Variants in NFASC observed in about 807,000 individuals in gnomAD.
NFASC encodes neurofascin.
In NFASC, 43 loss-of-function variants were observed where a neutral mutation model predicts 147.5. The observed-to-expected ratio is 0.29, with a 90% CI of 0.23 to 0.38. The LOEUF is 0.38. NFASC is among the 10% of genes least tolerant of loss of function. NFASC has a pLI of 1.00. For missense variants in NFASC, 1,320 were observed against 1,689.0 expected, an observed-to-expected ratio of 0.78 and a Z score of 3.83; for synonymous variants, 622 against 665.5, an observed-to-expected ratio of 0.93 and a Z score of 1.01.
intron 3 of NFASC, among the ~76,000 whole-genome samples, chr1:204,949,078 T>C (rs758078540): frequency 6.6e-6 from 1 of 152,260 alleles, no homozygotes; most frequent in Non-Finnish European, 1.5e-5. Flanking sequence ...CTTTGTCTCC[T>C]GCCCAGGCAG....
chr1:204,874,713 G>A (rs532753023), intron 1 of NFASC, among the ~76,000 whole-genome samples: 1 of 152,346 alleles, frequency 6.6e-6, no homozygotes, highest in East Asian at 1.9e-4. Flanking sequence ...ACTTCTCAGG[G>A]ATTCAAGCAC....
chr1:204,839,443 C>T (rs978629791), intron 1 of NFASC, among the ~76,000 whole-genome samples: 15 of 151,374 alleles, frequency 9.9e-5, no homozygotes, highest in South Asian at 2.1e-4. Context: ...AAGACAAAGG[C>T]GGTAGCGGGG....
At chr1:204,942,642 AAAAC>A (rs988473258) in intron 2 of NFASC, among the ~76,000 whole-genome samples, 5 of 138,278 alleles carry the variant, frequency 3.6e-5, no homozygotes, top group South Asian at 2.4e-4. Flanking sequence ...AATAAAGTAA[AAAAC>A]AAACCACAGG....
intron 16 of NFASC, among the ~76,000 whole-genome samples, chr1:204,977,355 CCT>C (rs1407796353): frequency 1.3e-5 from 2 of 152,234 alleles, no homozygotes; most frequent in Non-Finnish European, 2.9e-5. Context: ...GCAAGCAGGT[CCT>C]CTGTCACCTC....
chr1:204,942,940 G>C (rs998024961), intron 2 of NFASC, among the ~76,000 whole-genome samples: 3 of 152,322 alleles, frequency 2.0e-5, no homozygotes, highest in African/African-American at 7.2e-5. Context: ...GTCTCCAGAA[G>C]GATGGCCTTG....
Position 204,987,057 on chromosome 1 carries a change from A to G in NFASC, c.2471-361A>G. On this transcript the variant is annotated intron_variant, in intron 21 of 29. Transcript: ENST00000339876. This position sits in a 1 kb window ranked among gnomAD's most constrained non-coding sequence, Gnocchi z 4.4. The stretch of plus-strand genomic sequence containing the variant: ...GGGAACTGCAGCCTCTGTACAAAAC[A>G]GCTGTAAGTGGTTCTCTACCTAGGA... The G allele has an allele frequency of 3.8e-6, 1 of 264,056 alleles. No homozygotes were observed. The highest frequency in any genetic ancestry group is 7.2e-6 in the Non-Finnish European group (1 of 137,980). 16.4% of individuals were successfully genotyped at this position (264,056 alleles called of 1,614,324 possible).
chr1:204,987,133 T>C lies in NFASC; in HGVS notation c.2471-285T>C. 1 of 471,820 alleles carries C rather than the reference T, an allele frequency of 2.1e-6. No homozygotes were observed. The highest frequency in any genetic ancestry group is 3.8e-6 in the Non-Finnish European group (1 of 262,824). The allele number at this position is 471,820 out of a possible 1,614,324, so 29.2% of individuals were successfully genotyped here. ...CTTTGCAGAATCAGAGCCTAACATG[T>C]GCTGAATCCAGAGTAGTTGCTAGAA... is the stretch of plus-strand genomic sequence containing the variant. On this transcript the variant is annotated intron_variant, in intron 21 of 29. Transcript: ENST00000339876. This position sits in a 1 kb window ranked among gnomAD's most constrained non-coding sequence, Gnocchi z 4.4.
chr1:204,951,677 G>C (rs1374818361), intron 4 of NFASC, among the ~76,000 whole-genome samples: 1 of 151,674 alleles, frequency 6.6e-6, no homozygotes, highest in Non-Finnish European at 1.5e-5. Flanking sequence ...CACCGTGTTA[G>C]CCAGGATGGT....
At chr1:204,837,870 A>G (rs914420011) in intron 1 of NFASC, among the ~76,000 whole-genome samples, 2 of 152,146 alleles carry the variant, frequency 1.3e-5, no homozygotes, top group Non-Finnish European at 2.9e-5. Context: ...AAAGTGTGGA[A>G]AGACTGTGTG....
intron 1 of NFASC, among the ~76,000 whole-genome samples, chr1:204,869,778 C>T (rs1378361032): frequency 6.6e-6 from 1 of 152,198 alleles, no homozygotes; most frequent in Non-Finnish European, 1.5e-5. Context: ...ATAATCTCCA[C>T]ACTATACTGA....
chr1:204,852,741 G>A (rs1389692122), intron 1 of NFASC, among the ~76,000 whole-genome samples: 1 of 152,192 alleles, frequency 6.6e-6, no homozygotes, highest in East Asian at 1.9e-4. Flanking sequence ...TCCATAGATG[G>A]GTGAGCTCAG....
chr1:204,968,905 A>C lies in NFASC; in HGVS notation c.926A>C (p.Glu309Ala). 1 of 1,614,084 alleles carries C rather than the reference A, an allele frequency of 6.2e-7. No individual in the cohort carries two copies. The highest frequency in any genetic ancestry group is 1.7e-4 in the Middle Eastern group (1 of 6,040). The change falls in exon 10 of 30, where the codon GAA (glutamate) becomes GCA (alanine). Residue 309 changes from glutamate (E) to alanine (A), a missense_variant. By Grantham distance (107) the Glu-to-Ala change is moderately radical (BLOSUM62 -1). Around this residue, in one of 3 missense-constraint regions of NFASC, gnomAD observed 981 missense variants for 1,289.5 expected, o/e 0.76. Coordinates refer to ENST00000339876, the MANE Select transcript of NFASC (RefSeq NM_001005388.3). This position sits in a 1 kb window ranked among gnomAD's most constrained non-coding sequence, Gnocchi z 5.4. ...KALRITNVSE[E>A]DSGEYFCLAS... The stretch of plus-strand genomic sequence containing the variant: ...CTGCGTATCACAAATGTCTCTGAGG[A>C]AGACTCCGGGGAGTATTTCTGCCTG...
At chr1:204,958,310 T>C (rs994531328) in intron 8 of NFASC, among the ~76,000 whole-genome samples, 1 of 152,246 alleles carries the variant, frequency 6.6e-6, no homozygotes, top group Non-Finnish European at 1.5e-5. Flanking sequence ...ATATGAAAAT[T>C]AGTGGAGACA....
intron 3 of NFASC, among the ~76,000 whole-genome samples, chr1:204,945,392 A>G (rs1234720690): frequency 6.6e-6 from 1 of 152,210 alleles, no homozygotes; most frequent in Non-Finnish European, 1.5e-5. Flanking sequence ...GGAGAGTAAT[A>G]CAAACTCTAA....
chr1:204,878,714 G>A (rs1161362859), intron 1 of NFASC, among the ~76,000 whole-genome samples: 1 of 152,252 alleles, frequency 6.6e-6, no homozygotes, highest in East Asian at 1.9e-4. Flanking sequence ...TGATCTGCGG[G>A]ATCCTCCCAA....
intron 24 of NFASC, among the ~76,000 whole-genome samples, chr1:204,992,091 C>T (rs533960241): frequency 6.6e-6 from 1 of 152,178 alleles, no homozygotes; most frequent in Non-Finnish European, 1.5e-5. Context: ...GTTTGAGGGT[C>T]ATCAAAGGGC....
At chr1:204,936,142 C>T (rs376836313) in intron 2 of NFASC, among the ~76,000 whole-genome samples, 1 of 152,060 alleles carries the variant, frequency 6.6e-6, no homozygotes, top group East Asian at 1.9e-4. Context: ...AACCCACCAG[C>T]TCCTCTGGAC....
intron 1 of NFASC, among the ~76,000 whole-genome samples, chr1:204,841,294 G>T (rs1558482507): frequency 1.3e-5 from 2 of 152,298 alleles, no homozygotes; most frequent in East Asian, 1.9e-4. Flanking sequence ...ATAGCACATG[G>T]GTGTGTCTGA....
chr1:204,852,963 A>G (rs2075827988), intron 1 of NFASC, among the ~76,000 whole-genome samples: 2 of 152,202 alleles, frequency 1.3e-5, no homozygotes, highest in South Asian at 2.1e-4. Context: ...TTCAAGACAC[A>G]CCTGGGGCCT....
Sources: gnomAD v4.1 joint callset for allele counts (sites outside exome capture counted in the v4.1 genomes callset) on GRCh38, gnomAD v4.1.1 for gene constraint, gnomAD v4.1.1 regional missense constraint, Gnocchi (gnomAD v3.1) non-coding constraint, MANE v1.5 for transcripts, NCBI Gene and HGNC (gene_info 2026-07-23, HGNC 2026-07-21) for gene names.